DENND1B: variants seen among roughly 807,000 people sequenced by gnomAD.
DENND1B encodes the protein DENN domain-containing protein 1B.
Under a neutral mutation model 90.1 loss-of-function variants are expected in DENND1B, and 59 were observed. The observed-to-expected ratio is 0.65, with a 90% CI of 0.53 to 0.81. The LOEUF is 0.81. DENND1B is among the 40% of genes least tolerant of loss of function. The pLI, the probability that DENND1B is intolerant of heterozygous loss-of-function variation, is 0.00. For missense variants in DENND1B, 862 were observed against 912.6 expected (o/e 0.94, Z 0.71); for synonymous variants, 337 against 324.6 (o/e 1.04, Z -0.41).
chr1:197,603,517 C>T (rs138443121), intron 13 of DENND1B, among the ~76,000 whole-genome samples: 110 of 150,922 alleles, frequency 7.3e-4, no homozygotes, highest in African/African-American at 2.6e-3. Flanking sequence ...TATTAGAGAC[C>T]GTTAAGCAAT....
chr1:197,511,978 A>G (rs1481625655), intron 21 of DENND1B, 34 bp from the exon 22 acceptor site: 2 of 1,524,312 alleles, frequency 1.3e-6, no homozygotes, highest in South Asian at 2.5e-5. Context: ...TAGTAGGTAA[A>G]TAACCATATT....
intron 15 of DENND1B, among the ~76,000 whole-genome samples, chr1:197,571,955 T>C (rs967460708): frequency 1.3e-5 from 2 of 152,262 alleles, no homozygotes; most frequent in Admixed American, 1.3e-4. Context: ...AGTTCCAAGA[T>C]GGCCAAATAG....
At chr1:197,543,494 T>C (rs764971096) in intron 18 of DENND1B, among the ~76,000 whole-genome samples, 2 of 152,178 alleles carry the variant, frequency 1.3e-5, no homozygotes, top group Non-Finnish European at 2.9e-5. Context: ...CTATTGACTG[T>C]GAAACCATTT....
Position 197,717,558 on chromosome 1 carries a change from T to C in DENND1B, c.83-2484A>G, listed in dbSNP as rs562753614. On this transcript the variant is annotated intron_variant, in intron 2 of 22. Transcript: ENST00000620048. ...AAATATATTTAATCTCTTAGTTTAA[T>C]AAGAGATAATGTTACAGCATAGTAA... Among the ~76,000 whole-genome samples the C allele has an allele frequency of 1.1e-4, 17 of 152,092 alleles. No homozygotes were observed. In the South Asian group the frequency reaches 3.3e-3, roughly 30 times the overall value.
At chr1:197,592,824 A>G (rs952569966) in intron 14 of DENND1B, among the ~76,000 whole-genome samples, 2 of 152,166 alleles carry the variant, frequency 1.3e-5, no homozygotes, top group Non-Finnish European at 2.9e-5. Flanking sequence ...TAAGGGAAAT[A>G]ATGGTTTATT....
At position 197,736,230 on chromosome 1, in the gene DENND1B, C is replaced by T. The variant is rs117168260; in HGVS notation, c.83-21156G>A. 1.0e-3 allele frequency: 416 copies of T among 408,414 alleles called. 3 individuals carry two copies. In the East Asian group the frequency reaches 0.02, roughly 19 times the overall value. 25.3% of individuals were successfully genotyped at this position (408,414 alleles called of 1,614,324 possible). ...CAAGCTCAATTTTAAGCTGCAGATTCCAACTTTTATTGAACTTGAATAGCA... is the reference window on the plus strand; with the variant it reads ...CAAGCTCAATTTTAAGCTGCAGATTTCAACTTTTATTGAACTTGAATAGCA... On this transcript the variant is annotated intron_variant, in intron 2 of 22. Coordinates refer to ENST00000620048, the MANE Select transcript of DENND1B (RefSeq NM_001195215.2).
intron 2 of DENND1B, among the ~76,000 whole-genome samples, chr1:197,766,037 T>C (rs1655654712): frequency 6.6e-6 from 1 of 152,210 alleles, no homozygotes; most frequent in Admixed American, 6.5e-5. Flanking sequence ...AAGGACATGG[T>C]TCTGAAGAAT....
chr1:197,739,515 A>G (rs1264074398), intron 2 of DENND1B, among the ~76,000 whole-genome samples: 6 of 152,216 alleles, frequency 3.9e-5, no homozygotes, highest in African/African-American at 1.4e-4. Flanking sequence ...CTTAAATAAC[A>G]TACTTCTAAA....
At chr1:197,655,916 T>C (rs1186470646) in intron 6 of DENND1B, among the ~76,000 whole-genome samples, 1 of 152,174 alleles carries the variant, frequency 6.6e-6, no homozygotes, top group African/African-American at 2.4e-5. Context: ...AGTTATGTTC[T>C]GGGAACTTTA....
In DENND1B at chr1:197,547,338, G is replaced by T. The variant is rs75596818; in HGVS notation, c.1241-565C>A. Reference sequence around the variant, plus strand: ...ATACAAAGAACCCCTAAAACATACTGTTCTCCTCTACTCTGTGGCTGTGGA... The same window carrying T: ...ATACAAAGAACCCCTAAAACATACTTTTCTCCTCTACTCTGTGGCTGTGGA... On this transcript the variant is annotated intron_variant, in intron 16 of 22. Transcript: ENST00000620048. Among the ~76,000 whole-genome samples, 888 of 151,372 alleles carry T rather than the reference G, an allele frequency of 5.9e-3. 13 individuals carry two copies. Among genetic ancestry groups the T allele is most frequent in the African/African-American group, 0.02 (830 of 41,212 alleles).
chr1:197,584,154 AAATAAG>A (rs1487928129), intron 14 of DENND1B, among the ~76,000 whole-genome samples: 1 of 152,220 alleles, frequency 6.6e-6, no homozygotes, highest in South Asian at 2.1e-4. Flanking sequence ...CTTTGAAAAA[AAATAAG>A]AATAATTTAA....
intron 13 of DENND1B, among the ~76,000 whole-genome samples, chr1:197,603,158 T>G (rs1676358341): frequency 6.6e-6 from 1 of 151,420 alleles, no homozygotes; most frequent in African/African-American, 2.4e-5. Context: ...AAAATCATTT[T>G]CCAATAGTAT....
chr1:197,760,641 CAA>C (rs1265014598), intron 2 of DENND1B, among the ~76,000 whole-genome samples: 66 of 72,158 alleles, frequency 9.1e-4, no homozygotes, highest in Non-Finnish European at 8.0e-4. Context: ...GACCTTGTCT[CAA>C]AAAAAAAAAA....
At chr1:197,743,999 T>G (rs546937562) in intron 2 of DENND1B, among the ~76,000 whole-genome samples, 1 of 152,202 alleles carries the variant, frequency 6.6e-6, no homozygotes, top group Non-Finnish European at 1.5e-5. Context: ...TACATCAAAG[T>G]TTTATCATAA....
At chr1:197,727,060 A>C (rs1405012443) in intron 2 of DENND1B, among the ~76,000 whole-genome samples, 3 of 152,230 alleles carry the variant, frequency 2.0e-5, no homozygotes, top group African/African-American at 7.2e-5. Flanking sequence ...GATCATATCC[A>C]GAATTTCCTT....
chr1:197,603,679 G>A (rs1231010768), intron 13 of DENND1B, among the ~76,000 whole-genome samples: 1 of 150,984 alleles, frequency 6.6e-6, no homozygotes, highest in Non-Finnish European at 1.5e-5. Flanking sequence ...CTAATTATTA[G>A]CTTAATTCCT....
intron 5 of DENND1B, among the ~76,000 whole-genome samples, chr1:197,666,000 T>C (rs1042819958): frequency 6.6e-6 from 1 of 152,160 alleles, no homozygotes; most frequent in Non-Finnish European, 1.5e-5. Context: ...AATGCTTCAG[T>C]ATAAAGGCAC....
At chr1:197,552,860 C>CTAA (rs1341197285) in intron 16 of DENND1B, 162 bp downstream of exon 16, 1 of 1,387,138 alleles carries the variant, frequency 7.2e-7, no homozygotes, top group Non-Finnish European at 9.3e-7. Context: ...GCAAAATAAG[C>CTAA]TAATTCCATA....
rs142328541 is a variant in DENND1B at position 197,760,927 on chromosome 1, C to A, written c.82+11941G>T. Among the ~76,000 whole-genome samples, 9 of 152,226 alleles carry A rather than the reference C, an allele frequency of 5.9e-5. No individual in the cohort carries two copies. The East Asian group carries it at 1.7e-3, about 29-fold the overall frequency. ...ACGTTTAGGGTATACAGTCAACATC[C>A]CTAACAAACACTACAGTAATCATTA... On this transcript the variant is annotated intron_variant, in intron 2 of 22. Coordinates refer to ENST00000620048, the MANE Select transcript of DENND1B (RefSeq NM_001195215.2).
Sources: allele counts gnomAD v4.1 joint callset (sites outside exome capture counted in the v4.1 genomes callset), GRCh38; gene constraint gnomAD v4.1.1; transcripts MANE v1.5; gene names NCBI Gene and HGNC (gene_info 2026-07-23, HGNC 2026-07-21).